The following CLUL1 variants were observed in gnomAD, a reference collection of about 807,000 sequenced individuals.
CLUL1 encodes the protein clusterin like 1, also known as clusterin-like protein 1.
CLUL1 carries 43 observed loss-of-function variants against 49.4 expected under a neutral mutation model. That is an observed-to-expected ratio of 0.87 (90% CI 0.68 to 1.12). The LOEUF (loss-of-function observed/expected upper bound fraction) is 1.12. Among genes scored for constraint, CLUL1 ranks in the 50% most tolerant of loss-of-function variants. The pLI is 0.00. For missense variants in CLUL1, 486 were observed against 544.4 expected (o/e 0.89, Z 1.07); for synonymous variants, 192 against 184.9 (o/e 1.04, Z -0.31).
At chr18:636,002 T>G (rs2074127347) in intron 7 of CLUL1, among the ~76,000 whole-genome samples, 1 of 152,186 alleles carries the variant, frequency 6.6e-6, no homozygotes, top group East Asian at 1.9e-4. Flanking sequence ...CCCAAAGCGC[T>G]GGGATTACAG....
chr18:627,326 T>C lies in CLUL1; in HGVS notation c.653T>C (p.Ile218Thr), dbSNP rs746053172. Reference protein sequence around the residue: ...EFDQTFQSHFISDTDLTEPYF... With the variant: ...EFDQTFQSHFTSDTDLTEPYF... The stretch of plus-strand genomic sequence containing the variant: ...GACCAGACTTTTCAATCACATTTCA[T>C]ATCAGATACAGACCTAACTGAGCCT... Residue 218 changes from isoleucine to threonine, a missense_variant, in exon 6 of 10, where the codon ATA becomes ACA. Physicochemically the swap from Ile to Thr is moderately conservative, Grantham distance 89. Transcript: ENST00000692774. The C allele has an allele frequency of 6.2e-7, 1 of 1,614,066 alleles. No homozygotes were observed. The highest frequency in any genetic ancestry group is 1.1e-5 in the South Asian group (1 of 91,076).
At chr18:602,667 A>C (rs1459433496) in intron 1 of CLUL1, among the ~76,000 whole-genome samples, 1 of 152,218 alleles carries the variant, frequency 6.6e-6, no homozygotes, top group Admixed American at 6.5e-5. Flanking sequence ...ACAGGTAATA[A>C]TAGAGGTATA....
intron 6 of CLUL1, among the ~76,000 whole-genome samples, chr18:628,190 C>G (rs1484908640): frequency 6.6e-6 from 1 of 152,194 alleles, no homozygotes; most frequent in African/African-American, 2.4e-5. Context: ...CATCAGAGAG[C>G]TTCTTTAAAA....
intron 1 of CLUL1, among the ~76,000 whole-genome samples, chr18:604,800 C>G (rs754801072): frequency 6.6e-6 from 1 of 151,816 alleles, no homozygotes; most frequent in Non-Finnish European, 1.5e-5. Flanking sequence ...AGAGTGGGGT[C>G]CTGAAAGCAG....
At position 606,557 on chromosome 18, in the gene CLUL1, C is replaced by T. The variant is rs1401768458; in HGVS notation, c.-135-421C>T. On this transcript the variant is annotated intron_variant, in intron 1 of 9. Coordinates refer to ENST00000692774, the MANE Select transcript of CLUL1 (RefSeq NM_001393344.1). The surrounding 1 kb of genome is among the most constrained non-coding windows in gnomAD (Gnocchi z 4.1). ...CCACCCCATCTTCCTTGTCCTCACC[C>T]CTGGTCAGGAGAAGCCAAAACATCA... is the stretch of plus-strand genomic sequence containing the variant. Among the ~76,000 whole-genome samples, 1 of 152,158 alleles carries T rather than the reference C, an allele frequency of 6.6e-6. No individual in the cohort carries two copies. The highest frequency in any genetic ancestry group is 1.5e-5 in the Non-Finnish European group (1 of 68,036).
At chr18:633,470 T>A (rs761192314) in intron 7 of CLUL1, 35 bp downstream of exon 7, 2 of 1,575,214 alleles carry the variant, frequency 1.3e-6, no homozygotes, top group Non-Finnish European at 1.7e-6. Context: ...TATTCTACTT[T>A]AAGTTCTCAG....
chr18:640,442 A>C (rs556473163), intron 7 of CLUL1, among the ~76,000 whole-genome samples: 1 of 140,914 alleles, frequency 7.1e-6, no homozygotes, highest in Admixed American at 7.1e-5. Context: ...AAAAAGAAAC[A>C]AAAGGAAATG....
intron 2 of CLUL1, among the ~76,000 whole-genome samples, chr18:610,171 G>A (rs1055479675): frequency 1.2e-4 from 19 of 152,190 alleles, no homozygotes. Flanking sequence ...TCATAATAAT[G>A]TGGCCAGAAT....
rs2074620378 is a variant in CLUL1 at position 649,692 on chromosome 18, A to T, written c.1398-206A>T. The T allele has an allele frequency of 8.2e-6, 4 of 490,486 alleles. No individual in the cohort carries two copies. The Admixed American group carries it at 1.5e-4, about 18-fold the overall frequency. The allele number at this position is 490,486 out of a possible 1,614,324, so 30.4% of individuals were successfully genotyped here. On this transcript the variant is annotated intron_variant, in intron 9 of 9. Coordinates refer to ENST00000692774, the MANE Select transcript of CLUL1 (RefSeq NM_001393344.1). ...TCTTAGAGGCTCAACAACCCAGGAA[A>T]GCTGTGACGATTTCTTCAAATTGTT...
intron 7 of CLUL1, among the ~76,000 whole-genome samples, chr18:635,604 A>G (rs75310750): frequency 0.11 from 16,592 of 152,190 alleles, 1,147 homozygotes; most frequent in African/African-American, 0.18. Flanking sequence ...TTAACTTCCC[A>G]CAGTGAAGAC....
intron 4 of CLUL1, 82 bp from the exon 5 acceptor site, chr18:624,781 GTA>G: frequency 1.5e-6 from 2 of 1,308,956 alleles, no homozygotes; most frequent in Non-Finnish European, 2.2e-6. Flanking sequence ...AGTTTAGAAT[GTA>G]TACATTTCAA....
At chr18:601,406 G>A (rs1416857961) in intron 1 of CLUL1, among the ~76,000 whole-genome samples, 1 of 152,148 alleles carries the variant, frequency 6.6e-6, no homozygotes, top group Non-Finnish European at 1.5e-5. Context: ...ACTTTGGGAG[G>A]CTGAGGTGGT....
chr18:629,120 T>C (rs1243690282), intron 6 of CLUL1, among the ~76,000 whole-genome samples: 1 of 152,216 alleles, frequency 6.6e-6, no homozygotes, highest in East Asian at 1.9e-4. Context: ...ATCCTTCAGG[T>C]GCCATCGTTC....
chr18:626,909 A>G (rs377397674), intron 5 of CLUL1, among the ~76,000 whole-genome samples, 188 bp from the exon 6 acceptor site: 77 of 866 alleles, frequency 0.089, 8 homozygotes, highest in South Asian at 0.5. Context: ...GAAAGAAAGA[A>G]AGAAAGAAAG....
rs2074538226 is a variant in CLUL1 at position 647,391 on chromosome 18, G to C, written c.1397+2294G>C. ...CTTTGGTTGCAAGCAACCAAGACCA[G>C]CTCAGCTAAAAGAAATGGATGGATA... On this transcript the variant is annotated intron_variant, in intron 9 of 9. Coordinates refer to ENST00000692774, the MANE Select transcript of CLUL1 (RefSeq NM_001393344.1). Among the ~76,000 whole-genome samples the C allele has an allele frequency of 2.0e-5, 3 of 152,146 alleles. No individual in the cohort carries two copies. The South Asian group carries it at 6.2e-4, about 32-fold the overall frequency.
At chr18:626,295 T>A (rs947690690) in intron 5 of CLUL1, among the ~76,000 whole-genome samples, 2 of 151,988 alleles carry the variant, frequency 1.3e-5, no homozygotes, top group Non-Finnish European at 2.9e-5. Flanking sequence ...GTATTTTTAG[T>A]AGAGACAGGG....
intron 2 of CLUL1, chr18:616,653 C>T (rs483655): frequency 0.97 from 762,609 of 789,532 alleles, 369,110 homozygotes; most frequent in East Asian, 1. Flanking sequence ...TGTCATCAAA[C>T]TGATAGGACA....
chr18:633,607 T>TGA (rs761655172), intron 7 of CLUL1, among the ~76,000 whole-genome samples, 172 bp downstream of exon 7: 10 of 152,204 alleles, frequency 6.6e-5, no homozygotes, highest in Non-Finnish European at 1.5e-4. Context: ...GGAGCAATGG[T>TGA]GAGCGTGCAC....
At chr18:613,740 C>T (rs2073212330) in intron 2 of CLUL1, among the ~76,000 whole-genome samples, 1 of 152,328 alleles carries the variant, frequency 6.6e-6, no homozygotes, top group South Asian at 2.1e-4. Flanking sequence ...AGGCCTGAGC[C>T]ACTGTGCCTG....
Sources: gnomAD v4.1 joint callset for allele counts (sites outside exome capture counted in the v4.1 genomes callset) on GRCh38, gnomAD v4.1.1 for gene constraint, Gnocchi (gnomAD v3.1) non-coding constraint, MANE v1.5 for transcripts, NCBI Gene and HGNC (gene_info 2026-07-23, HGNC 2026-07-21) for gene names.